PMS2: variants seen among roughly 807,000 people sequenced by gnomAD.
The protein encoded by PMS2 is mismatch repair endonuclease PMS2.
In PMS2, 69 loss-of-function variants were observed where a neutral mutation model predicts 90.0. The ratio of observed to expected loss-of-function variants is 0.77; its 90% CI spans 0.63 to 0.94. The LOEUF (loss-of-function observed/expected upper bound fraction) is 0.94, where lower values mean the gene tolerates loss of function less well. Ranked by LOEUF, PMS2 falls within the 40% of genes least tolerant of loss-of-function variation. The pLI is 0.00. For missense variants in PMS2, 966 were observed against 1,040.2 expected, an observed-to-expected ratio of 0.93 and a Z score of 0.98; for synonymous variants, 332 against 375.1, an observed-to-expected ratio of 0.89 and a Z score of 1.33.
chr7:6,007,891 G>T (rs1313175093), intron 1 of PMS2, among the ~76,000 whole-genome samples: 4 of 131,456 alleles, frequency 3.0e-5, no homozygotes, highest in Non-Finnish European at 6.3e-5. Flanking sequence ...ACCGAGTCTT[G>T]CTGCGTTGCC....
In PMS2 at chr7:5,977,797, A is replaced by T. The variant is rs755799052; in HGVS notation, c.2276-40T>A. On this transcript the variant is annotated intron_variant, in intron 13 of 14. Coordinates refer to ENST00000265849, the MANE Select transcript of PMS2 (RefSeq NM_000535.7). ...TTTTGAGAAAAATCCATGACTTGACAAACACGTTTCACTTGAAAGCTACTT... is the reference window on the plus strand; with the variant it reads ...TTTTGAGAAAAATCCATGACTTGACTAACACGTTTCACTTGAAAGCTACTT... The T allele has an allele frequency of 1.8e-5, 29 of 1,579,514 alleles. No homozygotes were observed. In the South Asian group the frequency reaches 3.2e-4, roughly 18 times the overall value.
intron 8 of PMS2, 142 bp downstream of exon 8, chr7:5,995,392 G>A (rs1784269080): frequency 2.9e-6 from 2 of 684,444 alleles, no homozygotes; most frequent in African/African-American, 1.8e-5. Context: ...GTAGACTTCT[G>A]TAAATGCACA....
intron 2 of PMS2, among the ~76,000 whole-genome samples, chr7:6,004,598 C>A (rs950526150): frequency 6.6e-6 from 1 of 151,824 alleles, no homozygotes; most frequent in Non-Finnish European, 1.5e-5. Context: ...GCCTGTCATC[C>A]CAGCTACTCA....
At chr7:6,008,237 T>C (rs1395417423) in intron 1 of PMS2, among the ~76,000 whole-genome samples, 1 of 152,204 alleles carries the variant, frequency 6.6e-6, no homozygotes, top group Non-Finnish European at 1.5e-5. Flanking sequence ...TACATTTAAA[T>C]GTAGTTACCT....
At chr7:5,982,534 A>C (rs1782397471) in intron 12 of PMS2, among the ~76,000 whole-genome samples, 1 of 151,550 alleles carries the variant, frequency 6.6e-6, no homozygotes, top group South Asian at 2.1e-4. Context: ...GCGGGGTTTC[A>C]CCACGTTGGC....
chr7:5,994,398 A>T (rs1210234539), intron 8 of PMS2, among the ~76,000 whole-genome samples: 1 of 151,786 alleles, frequency 6.6e-6, no homozygotes, highest in African/African-American at 2.4e-5. Flanking sequence ...AACCCAAAAA[A>T]CAACAACAAA....
At chr7:5,992,162 G>A (rs1195157361) in intron 8 of PMS2, 105 bp from the exon 9 acceptor site, 4 of 671,904 alleles carry the variant, frequency 6.0e-6, no homozygotes, top group Admixed American at 2.4e-5. Context: ...CTTAGAAGGG[G>A]ATACTTTTTT....
chr7:5,994,306 G>A (rs1451695038), intron 8 of PMS2, among the ~76,000 whole-genome samples: 3 of 151,646 alleles, frequency 2.0e-5, no homozygotes, highest in Admixed American at 1.3e-4. Flanking sequence ...GCTTGAACTC[G>A]GGAGGTGGAG....
chr7:6,002,515 C>A lies in PMS2; in HGVS notation c.475G>T (p.Val159Leu), dbSNP rs142416537. Reference protein sequence around the residue: ...YPRPRGTTVSVQQLFSTLPVR... With the variant: ...YPRPRGTTVSLQQLFSTLPVR... The stretch of plus-strand genomic sequence containing the variant: ...GGTAGTGTGGAAAATAACTGCTGCA[C>A]GCTGACTGTGGTCCCTCTGGGGCGG... The change falls in exon 5 of 15, where the codon GTG becomes TTG. Residue 159 changes from valine (V) to leucine (L), a missense_variant. Transcript: ENST00000265849. 2 of 1,611,710 alleles carry A rather than the reference C, an allele frequency of 1.2e-6. No individual in the cohort carries two copies. The highest frequency in any genetic ancestry group is 2.7e-5 in the African/African-American group (2 of 74,956).
chr7:5,996,867 A>C (rs1784464228), intron 7 of PMS2, among the ~76,000 whole-genome samples: 1 of 152,112 alleles, frequency 6.6e-6, no homozygotes, highest in African/African-American at 2.4e-5. Flanking sequence ...TCCTTTGTAT[A>C]AATCATCTTT....
intron 12 of PMS2, among the ~76,000 whole-genome samples, chr7:5,980,748 A>C (rs536902041): frequency 7.7e-6 from 1 of 129,600 alleles, no homozygotes; most frequent in African/African-American, 3.0e-5. Context: ...CGAAAGAGTG[A>C]AACTCTGTCT....
At chr7:6,000,212 A>T (rs753446152) in intron 5 of PMS2, among the ~76,000 whole-genome samples, 8 of 151,680 alleles carry the variant, frequency 5.3e-5, no homozygotes, top group Non-Finnish European at 1.0e-4. Context: ...CATCTCTACA[A>T]AAAAAACAAA....
rs2711201 is a variant in PMS2 at position 5,983,142 on chromosome 7, T to C, written c.2007-151A>G. On this transcript the variant is annotated intron_variant, in intron 11 of 14. Transcript: ENST00000265849. ...CTTTCTTTTTTTTTGAAACAGAGTC[T>C]CGTTCTGTCACCCAGGCTACAGTGC... 7,892 of 1,219,776 alleles carry C rather than the reference T, an allele frequency of 6.5e-3. 382 individuals are homozygous for C. The African/African-American group carries it at 0.087, about 13-fold the overall frequency. The allele number at this position is 1,219,776 out of a possible 1,614,324, so 75.6% of individuals were successfully genotyped here. A position where few individuals can be genotyped will look rare whatever the true frequency, so the allele number is the denominator to read the frequency against.
intron 13 of PMS2, 100 bp from the exon 14 acceptor site, chr7:5,977,857 CGCCT>C (rs1242788091): frequency 6.5e-7 from 1 of 1,538,586 alleles, no homozygotes; most frequent in Non-Finnish European, 8.9e-7. Context: ...TGGTGGCTCA[CGCCT>C]GTAATCCCTG....
In PMS2 at chr7:5,987,516, T is replaced by G. The variant is rs1060503132; in HGVS notation, c.1249A>C (p.Ile417Leu). ...RTGEEKKDVS[I>L]SRLREAFSLR... ...GAAAAGGCCTCTCGCAGTCTGGAAA[T>G]GGACACGTCTTTTTTTTCTTCTCCA... Residue 417 changes from isoleucine to leucine, a missense_variant, in exon 11 of 15, where the codon ATT becomes CTT. By Grantham distance (5) the Ile-to-Leu change is conservative. Around this residue, in one of 2 missense-constraint regions of PMS2, gnomAD observed 871 missense variants for 802.4 expected, o/e 1.09. Transcript: ENST00000265849. 13 of 1,614,216 alleles carry G rather than the reference T, an allele frequency of 8.1e-6. No homozygotes were observed. Among genetic ancestry groups the G allele is most frequent in the Non-Finnish European group, 8.5e-6 (10 of 1,180,040 alleles).
chr7:5,992,875 T>C (rs77319935), intron 8 of PMS2, among the ~76,000 whole-genome samples: 1,810 of 152,300 alleles, frequency 0.012, 49 homozygotes, highest in African/African-American at 0.041. Context: ...TCTAGTGAAA[T>C]GCAAGTGCAG....
chr7:6,001,476 T>C (rs538282006), intron 5 of PMS2, among the ~76,000 whole-genome samples: 1 of 151,844 alleles, frequency 6.6e-6, no homozygotes, highest in African/African-American at 2.4e-5. Context: ...ATTCCAGCGA[T>C]TCTCCTGCCT....
intron 7 of PMS2, among the ~76,000 whole-genome samples, chr7:5,996,103 G>A (rs779247905): frequency 6.6e-6 from 1 of 152,130 alleles, no homozygotes; most frequent in Non-Finnish European, 1.5e-5. Context: ...TGCTTCACAT[G>A]AGACCCACCC....
intron 2 of PMS2, among the ~76,000 whole-genome samples, chr7:6,004,715 C>G (rs1428738262): frequency 1.0e-5 from 1 of 96,542 alleles, no homozygotes; most frequent in Non-Finnish European, 2.1e-5. Context: ...AACTCTATCT[C>G]AAAAAAAAAA....
Sources: gnomAD v4.1 joint callset for allele counts (sites outside exome capture counted in the v4.1 genomes callset) on GRCh38, gnomAD v4.1.1 for gene constraint, gnomAD v4.1.1 regional missense constraint, MANE v1.5 for transcripts, NCBI Gene and HGNC (gene_info 2026-07-23, HGNC 2026-07-21) for gene names.